TLN2: variants seen among roughly 807,000 people sequenced by gnomAD.
The protein encoded by TLN2 is talin 2.
A neutral mutation model predicts 294.7 loss-of-function variants in TLN2; 118 were observed. The observed-to-expected ratio is 0.40, with a 90% CI of 0.34 to 0.47. The LOEUF (loss-of-function observed/expected upper bound fraction) is 0.47. Among genes scored for constraint, TLN2 ranks in the 20% least tolerant of loss-of-function variants. The pLI is 0.84. For synonymous variants in TLN2, 1,431 were observed against 1,304.5 expected, an observed-to-expected ratio of 1.10 and a Z score of -2.09; for missense variants, 3,083 against 3,282.2, an observed-to-expected ratio of 0.94 and a Z score of 1.48.
In TLN2 at chr15:62,657,775, G is replaced by T; in HGVS notation, c.665G>T (p.Arg222Leu). The part of the protein sequence containing the change: ...VQLNLLYVQA[R>L]DDILNGSHPV... ...TTCCTTCCTCTTGTGTTTCAGGCAC[G>T]GGATGACATCCTGAATGGCTCTCAC... is the stretch of plus-strand genomic sequence containing the variant. The change falls in exon 9 of 59, where the codon CGG (arginine) becomes CTG (leucine). Residue 222 changes from arginine (R) to leucine (L), a missense_variant. Arg to Leu is a moderately radical substitution (Grantham distance 102). Coordinates refer to ENST00000636159, the MANE Select transcript of TLN2 (RefSeq NM_015059.3). 6.2e-7 allele frequency: 1 copy of T among 1,610,076 alleles called. No homozygotes were observed. The highest frequency in any genetic ancestry group is 8.5e-7 in the Non-Finnish European group (1 of 1,178,986).
intron 3 of TLN2, among the ~76,000 whole-genome samples, chr15:62,624,329 G>C (rs2049082331): frequency 6.6e-6 from 1 of 152,134 alleles, no homozygotes; most frequent in African/African-American, 2.4e-5. Flanking sequence ...ATGTATTACT[G>C]CCAGAAGTTC....
intron 3 of TLN2, among the ~76,000 whole-genome samples, chr15:62,632,790 G>T (rs1430441732): frequency 2.0e-5 from 3 of 152,118 alleles, no homozygotes; most frequent in South Asian, 2.1e-4. Context: ...GCATTTCGAG[G>T]TGGTTGTGCA....
chr15:62,578,443 T>C (rs2044625371), intron 1 of TLN2, among the ~76,000 whole-genome samples: 1 of 152,058 alleles, frequency 6.6e-6, no homozygotes, highest in African/African-American at 2.4e-5. Flanking sequence ...GGTGCATGAC[T>C]GTAATCCCAG....
chr15:62,401,879 G>A (rs2033049939), intron 1 of TLN2, among the ~76,000 whole-genome samples: 1 of 152,156 alleles, frequency 6.6e-6, no homozygotes, highest in South Asian at 2.1e-4. Context: ...TAGACAAGGA[G>A]GATATTTGGC....
At position 62,656,084 on chromosome 15, in the gene TLN2, C is replaced by T; in HGVS notation, c.658C>T (p.Gln220Ter). The T allele has an allele frequency of 6.2e-7, 1 of 1,614,134 alleles. No homozygotes were observed. Among genetic ancestry groups the T allele is most frequent in the East Asian group, 2.2e-5 (1 of 44,880 alleles). ...CGTGCAGCTGAACTTGCTTTATGTT[C>T]AGGTACAGTATTTACTGCTCAGACA... ...DPVQLNLLYVQARDDILNGSH... is the reference protein window; with the variant it reads ...DPVQLNLLYV The change falls in exon 8 of 59, where the codon CAG (glutamine) becomes TAG (stop). Residue 220 changes from glutamine to a stop codon, truncating the protein, a stop_gained and splice_region_variant. Transcript: ENST00000636159. LOFTEE classifies it high-confidence loss of function.
chr15:62,717,681 A>G lies in TLN2; in HGVS notation c.2869A>G (p.Ser957Gly). The G allele has an allele frequency of 6.3e-7, 1 of 1,583,806 alleles. No individual in the cohort carries two copies. The highest frequency in any genetic ancestry group is 8.6e-7 in the Non-Finnish European group (1 of 1,167,890). ...NPAAQQQLVQ[S>G]CKAVADHIPQ... Reference sequence around the variant, plus strand: ...TGCGGCCCAGCAGCAGCTGGTCCAGAGTTGCAAGGTGAGGTTCCAGTGCAC... The same window carrying G: ...TGCGGCCCAGCAGCAGCTGGTCCAGGGTTGCAAGGTGAGGTTCCAGTGCAC... Residue 957 changes from serine (S) to glycine (G), a missense_variant, in exon 24 of 59, where the codon AGT (serine) becomes GGT (glycine). Physicochemically the swap from Ser to Gly is moderately conservative, Grantham distance 56 (BLOSUM62 0). Transcript: ENST00000636159.
At chr15:62,515,107 A>T (rs2040121618) in intron 1 of TLN2, among the ~76,000 whole-genome samples, 1 of 152,192 alleles carries the variant, frequency 6.6e-6, no homozygotes, top group African/African-American at 2.4e-5. Flanking sequence ...TTTTAATGCT[A>T]AGATTTTTAT....
At chr15:62,597,758 T>A (rs1381750074) in intron 2 of TLN2, among the ~76,000 whole-genome samples, 1 of 152,250 alleles carries the variant, frequency 6.6e-6, no homozygotes, top group Non-Finnish European at 1.5e-5. Flanking sequence ...GTCTTTGGGA[T>A]GGGACCCAAG....
chr15:62,509,658 C>A (rs748999286), intron 1 of TLN2, among the ~76,000 whole-genome samples: 2 of 152,204 alleles, frequency 1.3e-5, no homozygotes, highest in African/African-American at 4.8e-5. Flanking sequence ...CTCCTTGTAA[C>A]GTCTCACTGA....
intron 1 of TLN2, among the ~76,000 whole-genome samples, chr15:62,453,976 C>T (rs973406427): frequency 4.6e-5 from 7 of 152,180 alleles, no homozygotes; most frequent in Middle Eastern, 3.4e-3. Flanking sequence ...GCCAGGCCCA[C>T]CCCCAGGTGC....
chr15:62,716,597 TA>T, intron 23 of TLN2, 138 bp downstream of exon 23: 1 of 1,225,834 alleles, frequency 8.2e-7, no homozygotes, highest in South Asian at 2.0e-5. Context: ...AAGGTTTGAG[TA>T]CTATAAAAGC....
chr15:62,746,967 G>A (rs2061649411), intron 32 of TLN2, among the ~76,000 whole-genome samples: 1 of 152,164 alleles, frequency 6.6e-6, no homozygotes. Context: ...CGTTAAGACA[G>A]CGTGGTATCG....
At chr15:62,534,566 A>G (rs145940846) in intron 1 of TLN2, among the ~76,000 whole-genome samples, 1 of 152,180 alleles carries the variant, frequency 6.6e-6, no homozygotes, top group African/African-American at 2.4e-5. Flanking sequence ...AACCCAGTCC[A>G]TGTGAGTTTT....
chr15:62,477,267 A>C lies in TLN2; in HGVS notation c.-238+86582A>C, dbSNP rs921495871. ...GGCCTGAGAGTCTGCATTTCTAACAAGATACAGGTGATGCTGCTGCCTTCT... is the reference window on the plus strand; with the variant it reads ...GGCCTGAGAGTCTGCATTTCTAACACGATACAGGTGATGCTGCTGCCTTCT... On this transcript the variant is annotated intron_variant, in intron 1 of 58. Transcript: ENST00000636159. 8.5e-5 allele frequency among the ~76,000 whole-genome samples: 13 copies of C among 152,256 alleles called. No homozygotes were observed. In the South Asian group the frequency reaches 2.5e-3, roughly 29 times the overall value.
intron 3 of TLN2, among the ~76,000 whole-genome samples, chr15:62,641,508 C>A (rs747778446): frequency 6.6e-6 from 1 of 151,894 alleles, no homozygotes; most frequent in African/African-American, 2.4e-5. Flanking sequence ...CCCAGCTACT[C>A]GGGAGGCTGA....
intron 1 of TLN2, among the ~76,000 whole-genome samples, chr15:62,461,825 G>T (rs1441785048): frequency 6.6e-6 from 1 of 152,222 alleles, no homozygotes; most frequent in Non-Finnish European, 1.5e-5. Context: ...CTCAAGAGTG[G>T]CCTGGTGAGC....
intron 50 of TLN2, among the ~76,000 whole-genome samples, chr15:62,802,198 A>G (rs182261685): frequency 2.2e-4 from 34 of 152,180 alleles, no homozygotes; most frequent in Admixed American, 7.2e-4. Flanking sequence ...TTCTGTCACA[A>G]ATAAGTGAGA....
chr15:62,837,373 C>T (rs1019817312), intron 57 of TLN2, among the ~76,000 whole-genome samples: 2 of 152,260 alleles, frequency 1.3e-5, no homozygotes, highest in South Asian at 4.1e-4. Flanking sequence ...CCTGCTTCTG[C>T]CATTTATTAG....
intron 1 of TLN2, among the ~76,000 whole-genome samples, chr15:62,479,956 A>G (rs1429599999): frequency 6.6e-6 from 1 of 152,242 alleles, no homozygotes; most frequent in Non-Finnish European, 1.5e-5. Context: ...AAGAGTTACT[A>G]ATAGGCACCA....
Sources: gnomAD v4.1 joint callset for allele counts (sites outside exome capture counted in the v4.1 genomes callset) on GRCh38, gnomAD v4.1.1 for gene constraint, MANE v1.5 for transcripts, NCBI Gene and HGNC (gene_info 2026-07-23, HGNC 2026-07-21) for gene names.